The following FNDC3A variants were observed in gnomAD, a reference collection of about 807,000 sequenced individuals.
The protein encoded by FNDC3A is fibronectin type-III domain-containing protein 3A.
A neutral mutation model predicts 148.9 loss-of-function variants in FNDC3A; 32 were observed. The ratio of observed to expected loss-of-function variants is 0.21; its 90% CI spans 0.16 to 0.29. The LOEUF (loss-of-function observed/expected upper bound fraction) is 0.29. FNDC3A is among the 10% of genes least tolerant of loss of function. The pLI, the probability that FNDC3A is intolerant of heterozygous loss-of-function variation, is 1.00. For missense variants in FNDC3A, 1,191 were observed against 1,452.8 expected (o/e 0.82, Z 2.93); for synonymous variants, 472 against 473.6 (o/e 1.00, Z 0.04).
At chr13:49,082,122 C>T (rs938925236) in intron 3 of FNDC3A, among the ~76,000 whole-genome samples, 1 of 152,098 alleles carries the variant, frequency 6.6e-6, no homozygotes, top group Non-Finnish European at 1.5e-5. Context: ...CGGTGGCTCA[C>T]GCCTGTAATC....
intron 2 of FNDC3A, among the ~76,000 whole-genome samples, chr13:49,041,439 TTGAA>T (rs1874922320): frequency 6.6e-6 from 1 of 152,200 alleles, no homozygotes. Context: ...TAACTGATTG[TTGAA>T]TGAATTAATC....
chr13:49,191,426 T>A (rs754626132), intron 19 of FNDC3A, 42 bp downstream of exon 19: 1 of 1,456,354 alleles, frequency 6.9e-7, no homozygotes, highest in East Asian at 2.3e-5. Flanking sequence ...ACAATGGTGA[T>A]ATATGTTTCA....
In FNDC3A at chr13:49,191,130, A is replaced by G; in HGVS notation, c.2050+10A>G. ...ATACAGTTACGATGGGGTAATTTCC[A>G]TTTTGGTAATAAATTATAATTAAGC... On this transcript the variant is annotated intron_variant, in intron 18 of 25. Coordinates refer to ENST00000492622, the MANE Select transcript of FNDC3A (RefSeq NM_001079673.2). The G allele has an allele frequency of 1.2e-6, 2 of 1,605,660 alleles. No individual in the cohort carries two copies. Among genetic ancestry groups the G allele is most frequent in the East Asian group, 4.5e-5 (2 of 44,848 alleles).
chr13:49,175,186 T>G (rs1394058575), intron 12 of FNDC3A, among the ~76,000 whole-genome samples, 181 bp from the exon 13 acceptor site: 1 of 152,212 alleles, frequency 6.6e-6, no homozygotes, highest in South Asian at 2.1e-4. Flanking sequence ...AATAGAACAC[T>G]AATTCACTGT....
rs1346415030 is a variant in FNDC3A at position 49,131,364 on chromosome 13, T to C, written c.480T>C (p.Tyr160=). The C allele has an allele frequency of 1.2e-6, 2 of 1,608,552 alleles. No individual in the cohort carries two copies. Among genetic ancestry groups the C allele is most frequent in the East Asian group, 2.2e-5 (1 of 44,842 alleles). Reference sequence around the variant, plus strand: ...CACAGTATCAGTCTTCACAAGTCTATGGAGATGTAGGTAAGACATCTAAAA... The same window carrying C: ...CACAGTATCAGTCTTCACAAGTCTACGGAGATGTAGGTAAGACATCTAAAA... The part of the protein sequence containing the change: ...YMPQYQSSQV[Y]GDVDAHSTHG... Residue 160 remains tyrosine (Y), a synonymous_variant, in exon 5 of 26, where the codon TAT becomes TAC. Coordinates refer to ENST00000492622, the MANE Select transcript of FNDC3A (RefSeq NM_001079673.2).
At chr13:48,988,261 A>C (rs1951842865) in intron 1 of FNDC3A, among the ~76,000 whole-genome samples, 1 of 152,188 alleles carries the variant, frequency 6.6e-6, no homozygotes, top group Admixed American at 6.5e-5. Flanking sequence ...ATTAACAAGG[A>C]TATTAAGGAC....
intron 2 of FNDC3A, among the ~76,000 whole-genome samples, chr13:49,043,576 C>T (rs918588616): frequency 6.6e-6 from 1 of 152,010 alleles, no homozygotes; most frequent in Non-Finnish European, 1.5e-5. Context: ...TTAAAACATG[C>T]TGTCATGATA....
At chr13:49,169,124 G>T (rs1436273995) in intron 10 of FNDC3A, among the ~76,000 whole-genome samples, 1 of 152,052 alleles carries the variant, frequency 6.6e-6, no homozygotes, top group African/African-American at 2.4e-5. Context: ...TCAATATGCT[G>T]CCTAAAAGGA....
At position 49,175,689 on chromosome 13, in the gene FNDC3A, C is replaced by T. The variant is rs757538393; in HGVS notation, c.1530+148C>T. The T allele has an allele frequency of 9.7e-5, 55 of 565,324 alleles. No homozygotes were observed. In the Middle Eastern group the frequency reaches 1.4e-3, roughly 15 times the overall value. 35.0% of individuals were successfully genotyped at this position (565,324 alleles called of 1,614,324 possible). A position where few individuals can be genotyped will look rare whatever the true frequency, so the allele number is the denominator to read the frequency against. ...GACTTCCTCTCTTCCTATTTGAATA[C>T]GCTTTATTTCTTTCTCTTGCCTGAT... On this transcript the variant is annotated intron_variant, in intron 13 of 25. Transcript: ENST00000492622.
chr13:49,166,717 A>G (rs1047050421), intron 8 of FNDC3A, among the ~76,000 whole-genome samples: 1 of 152,192 alleles, frequency 6.6e-6, no homozygotes, highest in African/African-American at 2.4e-5. Context: ...AGCTGATTGC[A>G]GCCGAGCAGG....
chr13:49,071,940 G>A (rs1379699246), intron 2 of FNDC3A, among the ~76,000 whole-genome samples: 1 of 152,096 alleles, frequency 6.6e-6, no homozygotes. Context: ...GCTTCCCAAA[G>A]TGCTGGGATT....
chr13:49,070,881 C>CT (rs758290861), intron 2 of FNDC3A, among the ~76,000 whole-genome samples: 92,057 of 121,008 alleles, frequency 0.76, 33,823 homozygotes, highest in South Asian at 0.83. Context: ...AACAGGATTT[C>CT]TTTTTTTTTT....
Position 48,976,114 on chromosome 13 carries a change from T to C in FNDC3A, c.-103T>C, listed in dbSNP as rs1384383551. The C allele has an allele frequency of 2.0e-5, 3 of 151,996 alleles. No individual in the cohort carries two copies. The highest frequency in any genetic ancestry group is 7.3e-5 in the African/African-American group (3 of 41,354). 9.4% of individuals were successfully genotyped at this position (151,996 alleles called of 1,614,324 possible). ...TGCAGCTGAGGTAGAGAGACAACGA[T>C]CAGGAACCCTAAGAAGAGGCGCCAG... On this transcript the variant is annotated 5_prime_UTR_variant, in exon 1 of 26. Transcript: ENST00000492622.
At chr13:49,137,404 G>A (rs1882435781) in intron 6 of FNDC3A, among the ~76,000 whole-genome samples, 1 of 152,162 alleles carries the variant, frequency 6.6e-6, no homozygotes, top group Non-Finnish European at 1.5e-5. Flanking sequence ...GAATGCAGTG[G>A]CGCAATGTCA....
chr13:48,992,835 G>A (rs1384820551), intron 1 of FNDC3A, among the ~76,000 whole-genome samples: 1 of 152,050 alleles, frequency 6.6e-6, no homozygotes, highest in Non-Finnish European at 1.5e-5. Flanking sequence ...ACCATTAAAA[G>A]TAATGGCAAA....
intron 6 of FNDC3A, among the ~76,000 whole-genome samples, chr13:49,137,698 G>A (rs537986065): frequency 2.3e-4 from 35 of 152,166 alleles, no homozygotes; most frequent in Non-Finnish European, 4.7e-4. Flanking sequence ...GTAAAATATA[G>A]CTGGGTTAAC....
intron 22 of FNDC3A, 24 bp from the exon 23 acceptor site, chr13:49,198,338 C>CT (rs200287574): frequency 6.8e-6 from 11 of 1,612,644 alleles, no homozygotes; most frequent in Middle Eastern, 1.7e-4. Context: ...CATAACCAAA[C>CT]TTTTTTTCTT....
intron 3 of FNDC3A, among the ~76,000 whole-genome samples, chr13:49,102,209 A>G (rs1043953336): frequency 4.6e-5 from 7 of 151,244 alleles, no homozygotes; most frequent in African/African-American, 1.5e-4. Flanking sequence ...CTTTTCTTCA[A>G]TTTATCATGG....
chr13:49,150,083 G>C (rs1296666989), intron 8 of FNDC3A, among the ~76,000 whole-genome samples: 2 of 151,990 alleles, frequency 1.3e-5, no homozygotes, highest in East Asian at 3.9e-4. Context: ...GATTAGTCTA[G>C]GTGGTGGTTT....
Sources: gnomAD v4.1 joint callset for allele counts (sites outside exome capture counted in the v4.1 genomes callset) on GRCh38, gnomAD v4.1.1 for gene constraint, MANE v1.5 for transcripts, NCBI Gene and HGNC (gene_info 2026-07-23, HGNC 2026-07-21) for gene names.